CCSER1: variants seen among roughly 807,000 people sequenced by gnomAD.
CCSER1 encodes serine-rich coiled-coil domain-containing protein 1.
In CCSER1, 41 loss-of-function variants were observed where a neutral mutation model predicts 82.0. The observed-to-expected ratio is 0.50, with a 90% CI of 0.39 to 0.65. CCSER1 has a LOEUF of 0.65. CCSER1 is among the 30% of genes least tolerant of loss of function. The pLI is 0.00. For synonymous variants in CCSER1, 414 were observed against 383.9 expected (o/e 1.08, Z -0.92); for missense variants, 1,119 against 1,064.2 (o/e 1.05, Z -0.72).
chr4:91,268,553 G>A (rs931868078), intron 10 of CCSER1, among the ~76,000 whole-genome samples: 1 of 151,978 alleles, frequency 6.6e-6, no homozygotes, highest in Non-Finnish European at 1.5e-5. Context: ...ATTATGTCAC[G>A]CGCTTCCCAG....
intron 10 of CCSER1, among the ~76,000 whole-genome samples, chr4:91,254,254 C>T (rs1391674896): frequency 6.6e-6 from 1 of 152,152 alleles, no homozygotes; most frequent in Non-Finnish European, 1.5e-5. Context: ...CAACAGCAAA[C>T]ACATTCTTCT....
intron 3 of CCSER1, among the ~76,000 whole-genome samples, chr4:90,371,114 A>G (rs1445661050): frequency 6.6e-6 from 1 of 152,106 alleles, no homozygotes; most frequent in Non-Finnish European, 1.5e-5. Flanking sequence ...TTCTTGCATC[A>G]TATAAGGTAC....
chr4:91,025,334 A>G (rs1740393743), intron 9 of CCSER1, among the ~76,000 whole-genome samples: 1 of 152,144 alleles, frequency 6.6e-6, no homozygotes, highest in Non-Finnish European at 1.5e-5. Context: ...TCTTATTTCT[A>G]AAAAGCTTCA....
At chr4:91,561,520 C>T (rs1342379964) in intron 10 of CCSER1, among the ~76,000 whole-genome samples, 2 of 151,338 alleles carry the variant, frequency 1.3e-5, no homozygotes, top group African/African-American at 4.8e-5. Flanking sequence ...TTCTTTAGCT[C>T]ATTATACTTA....
intron 7 of CCSER1, among the ~76,000 whole-genome samples, chr4:90,777,972 A>G (rs761153839): frequency 1.2e-3 from 182 of 152,300 alleles, no homozygotes; most frequent in Non-Finnish European, 1.7e-3. Flanking sequence ...AGTTAAAACC[A>G]AATAAATATT....
At chr4:91,537,931 T>G (rs1761381461) in intron 10 of CCSER1, among the ~76,000 whole-genome samples, 1 of 152,026 alleles carries the variant, frequency 6.6e-6, no homozygotes, top group African/African-American at 2.4e-5. Flanking sequence ...TTCTATATTC[T>G]TTAATTTTAC....
At chr4:90,365,028 T>C (rs1746026071) in intron 3 of CCSER1, among the ~76,000 whole-genome samples, 1 of 151,916 alleles carries the variant, frequency 6.6e-6, no homozygotes, top group South Asian at 2.1e-4. Flanking sequence ...GGACAAAATA[T>C]ATGAGATGTT....
intron 6 of CCSER1, among the ~76,000 whole-genome samples, chr4:90,699,573 G>A (rs573536379): frequency 5.9e-5 from 9 of 152,250 alleles, no homozygotes; most frequent in East Asian, 1.9e-4. Context: ...TCTCTCTGTC[G>A]TTGCTGACTA....
intron 10 of CCSER1, among the ~76,000 whole-genome samples, chr4:91,395,708 G>A (rs1751936565): frequency 6.6e-6 from 1 of 151,950 alleles, no homozygotes; most frequent in Non-Finnish European, 1.5e-5. Flanking sequence ...TGTTCATGAA[G>A]AGATGCTTGG....
At chr4:90,717,560 A>G (rs1402121779) in intron 6 of CCSER1, among the ~76,000 whole-genome samples, 1 of 152,054 alleles carries the variant, frequency 6.6e-6, no homozygotes, top group Non-Finnish European at 1.5e-5. Context: ...TAGAGAATGA[A>G]GTAGTGGAAT....
chr4:90,937,647 C>T (rs777526101), intron 9 of CCSER1, among the ~76,000 whole-genome samples: 1 of 152,100 alleles, frequency 6.6e-6, no homozygotes, highest in African/African-American at 2.4e-5. Context: ...ACCTTTTATT[C>T]CATCAACACT....
At chr4:91,470,874 T>C (rs569925481) in intron 10 of CCSER1, among the ~76,000 whole-genome samples, 1 of 152,258 alleles carries the variant, frequency 6.6e-6, no homozygotes, top group African/African-American at 2.4e-5. Flanking sequence ...GACAAATGAA[T>C]AATAAATAGG....
intron 4 of CCSER1, among the ~76,000 whole-genome samples, chr4:90,426,938 A>T (rs1024878252): frequency 1.3e-5 from 2 of 152,132 alleles, no homozygotes; most frequent in Non-Finnish European, 2.9e-5. Flanking sequence ...CTTCTAGATG[A>T]TTCTTCTAAA....
chr4:91,213,188 A>T (rs1396659533), intron 10 of CCSER1, among the ~76,000 whole-genome samples: 1 of 152,080 alleles, frequency 6.6e-6, no homozygotes, highest in Non-Finnish European at 1.5e-5. Flanking sequence ...ACTGGAGATC[A>T]TTACGTCAAG....
At chr4:90,555,114 A>ATT (rs199775324) in intron 5 of CCSER1, among the ~76,000 whole-genome samples, 1 of 150,886 alleles carries the variant, frequency 6.6e-6, no homozygotes, top group Non-Finnish European at 1.5e-5. Context: ...CATAAAATTC[A>ATT]TTTTTTTTTC....
chr4:90,429,422 G>T (rs943748614), intron 4 of CCSER1, among the ~76,000 whole-genome samples: 1 of 151,872 alleles, frequency 6.6e-6, no homozygotes, highest in East Asian at 1.9e-4. Flanking sequence ...AGGAATTTCC[G>T]CATGTAATGT....
At chr4:90,754,269 A>C (rs1317776860) in intron 7 of CCSER1, among the ~76,000 whole-genome samples, 1 of 152,138 alleles carries the variant, frequency 6.6e-6, no homozygotes, top group Non-Finnish European at 1.5e-5. Flanking sequence ...TTTAATAAAT[A>C]TTTTTGCTAA....
At chr4:90,844,269 C>T (rs1003583333) in intron 8 of CCSER1, among the ~76,000 whole-genome samples, 4 of 151,928 alleles carry the variant, frequency 2.6e-5, no homozygotes, top group Admixed American at 6.6e-5. Flanking sequence ...CTGGGTATTA[C>T]TAAACTTCAG....
intron 3 of CCSER1, among the ~76,000 whole-genome samples, chr4:90,352,295 G>C (rs984819435): frequency 3.3e-5 from 5 of 152,050 alleles, no homozygotes; most frequent in Admixed American, 6.6e-5. Flanking sequence ...CTGCACTCCA[G>C]CCTGGGCGAC....
Sources: gnomAD v4.1 joint callset for allele counts (sites outside exome capture counted in the v4.1 genomes callset) on GRCh38, gnomAD v4.1.1 for gene constraint, MANE v1.5 for transcripts, NCBI Gene and HGNC (gene_info 2026-07-23, HGNC 2026-07-21) for gene names.